XPR1: variants seen among roughly 807,000 people sequenced by gnomAD.
The protein encoded by XPR1 is xenotropic and polytropic retrovirus receptor 1.
XPR1 carries 28 observed loss-of-function variants against 87.5 expected under a neutral mutation model. That is an observed-to-expected ratio of 0.32 (90% confidence interval 0.24 to 0.44). XPR1 has a LOEUF of 0.44. Among genes scored for constraint, XPR1 ranks in the 20% least tolerant of loss-of-function variants. XPR1 has a pLI of 1.00. For missense variants in XPR1, 559 were observed against 862.3 expected, an observed-to-expected ratio of 0.65 and a Z score of 4.41; for synonymous variants, 300 against 306.1, an observed-to-expected ratio of 0.98 and a Z score of 0.21.
At chr1:180,642,199 A>G (rs1654982640) in intron 1 of XPR1, among the ~76,000 whole-genome samples, 1 of 152,302 alleles carries the variant, frequency 6.6e-6, no homozygotes, top group Non-Finnish European at 1.5e-5. Context: ...GGGGTCAGGT[A>G]ACAATGAAAG....
chr1:180,640,711 T>C (rs1452594718), intron 1 of XPR1, among the ~76,000 whole-genome samples: 1 of 152,154 alleles, frequency 6.6e-6, no homozygotes, highest in Non-Finnish European at 1.5e-5. Context: ...AGGTTATCAG[T>C]GTAACTATTA....
At chr1:180,766,790 G>A (rs1310624341) in intron 2 of XPR1, among the ~76,000 whole-genome samples, 1 of 152,078 alleles carries the variant, frequency 6.6e-6, no homozygotes, top group East Asian at 1.9e-4. Context: ...TATTTTTTAT[G>A]CCTTATTATT....
intron 2 of XPR1, among the ~76,000 whole-genome samples, chr1:180,713,518 A>G (rs1250559236): frequency 6.6e-6 from 1 of 152,128 alleles, no homozygotes; most frequent in Admixed American, 6.5e-5. Flanking sequence ...CTGAATCTCT[A>G]ATGCAATGTT....
At chr1:180,840,086 G>A (rs866086038) in intron 11 of XPR1, among the ~76,000 whole-genome samples, 52 of 151,796 alleles carry the variant, frequency 3.4e-4, no homozygotes, top group Middle Eastern at 3.4e-3. Flanking sequence ...AGCCGGGAGC[G>A]GTGGCGGGCG....
chr1:180,807,747 G>A (rs1053635122), intron 6 of XPR1, among the ~76,000 whole-genome samples: 5 of 152,194 alleles, frequency 3.3e-5, no homozygotes, highest in African/African-American at 1.2e-4. Context: ...GCTCATGCCT[G>A]TAATCCCAGA....
chr1:180,640,491 G>A (rs1395010060), intron 1 of XPR1, among the ~76,000 whole-genome samples: 1 of 152,232 alleles, frequency 6.6e-6, no homozygotes, highest in African/African-American at 2.4e-5. Context: ...ATGGCGTACT[G>A]TTTTATGAAA....
intron 2 of XPR1, among the ~76,000 whole-genome samples, chr1:180,697,746 G>A (rs1193479540): frequency 6.6e-6 from 1 of 152,092 alleles, no homozygotes; most frequent in Admixed American, 6.6e-5. Flanking sequence ...TCATGTATTT[G>A]TATAGATTCC....
At chr1:180,779,860 C>T (rs1159049572) in intron 2 of XPR1, among the ~76,000 whole-genome samples, 1 of 152,166 alleles carries the variant, frequency 6.6e-6, no homozygotes, top group East Asian at 1.9e-4. Flanking sequence ...TGCCAACCAC[C>T]ACTCTACTTT....
At chr1:180,770,775 C>A (rs767077264) in intron 2 of XPR1, among the ~76,000 whole-genome samples, 1 of 152,118 alleles carries the variant, frequency 6.6e-6, no homozygotes. Flanking sequence ...CTTCATCTGG[C>A]GGTCCCTCTC....
chr1:180,708,894 GTTT>G (rs1264196151), intron 2 of XPR1, among the ~76,000 whole-genome samples: 3 of 83,982 alleles, frequency 3.6e-5, no homozygotes, highest in African/African-American at 8.7e-5. Flanking sequence ...AGCATGTAAA[GTTT>G]TTTTTTTTTT....
At chr1:180,654,878 T>C (rs529252828) in intron 1 of XPR1, among the ~76,000 whole-genome samples, 208 of 152,328 alleles carry the variant, frequency 1.4e-3, no homozygotes, top group Non-Finnish European at 2.4e-3. Context: ...AAGAGCTATT[T>C]GAACACAAGT....
chr1:180,709,683 T>C (rs1321725036), intron 2 of XPR1, among the ~76,000 whole-genome samples: 1 of 152,200 alleles, frequency 6.6e-6, no homozygotes, highest in African/African-American at 2.4e-5. Flanking sequence ...CAATACTTGG[T>C]ATTGTCAATC....
intron 11 of XPR1, among the ~76,000 whole-genome samples, chr1:180,856,486 G>T (rs1652037966): frequency 6.6e-6 from 1 of 152,228 alleles, no homozygotes; most frequent in African/African-American, 2.4e-5. Context: ...AAGCTTTTTA[G>T]TTTTTTCCAG....
chr1:180,876,900 G>C (rs547479674), intron 13 of XPR1, among the ~76,000 whole-genome samples: 2 of 152,010 alleles, frequency 1.3e-5, no homozygotes, highest in East Asian at 1.9e-4. Flanking sequence ...TGAGGAAAAA[G>C]AACTATCATA....
chr1:180,675,705 G>A (rs1290323005), intron 1 of XPR1, among the ~76,000 whole-genome samples: 4 of 152,140 alleles, frequency 2.6e-5, no homozygotes, highest in African/African-American at 9.7e-5. Context: ...TCCTTAAACA[G>A]CATGAGTTGA....
Position 180,863,847 on chromosome 1 carries a change from C to G in XPR1, c.1641C>G (p.Leu547=). ...FDKNAGENTF[L]REEIVYPQKA... is the part of the protein sequence containing the mutation. ...AGAATGCTGGAGAGAACACTTTCCT[C>G]CGGGAAGAGATTGTATACCCCCAAA... is the stretch of plus-strand genomic sequence containing the variant. The change falls in exon 12 of 15, where the codon CTC becomes CTG. Residue 547 remains leucine, a synonymous_variant. Coordinates refer to ENST00000367590, the MANE Select transcript of XPR1 (RefSeq NM_004736.4). 1.2e-6 allele frequency: 2 copies of G among 1,602,990 alleles called. No homozygotes were observed. The highest frequency in any genetic ancestry group is 1.7e-6 in the Non-Finnish European group (2 of 1,176,714).
intron 4 of XPR1, among the ~76,000 whole-genome samples, chr1:180,804,871 T>G (rs528871246): frequency 6.6e-6 from 1 of 152,300 alleles, no homozygotes; most frequent in Non-Finnish European, 1.5e-5. Flanking sequence ...ATAAAATGTA[T>G]TTCCTCTTTC....
At chr1:180,711,623 G>T (rs111698185) in intron 2 of XPR1, among the ~76,000 whole-genome samples, 1 of 151,722 alleles carries the variant, frequency 6.6e-6, no homozygotes, top group Admixed American at 6.6e-5. Flanking sequence ...AGAGGGAGAG[G>T]GGGGAGAGTT....
intron 2 of XPR1, among the ~76,000 whole-genome samples, chr1:180,711,053 C>T (rs1302883190): frequency 4.0e-4 from 57 of 142,470 alleles, no homozygotes; most frequent in Non-Finnish European, 4.9e-4. Flanking sequence ...ACTTCTCAGA[C>T]GGGGCGGCCG....
Sources: allele counts gnomAD v4.1 joint callset (sites outside exome capture counted in the v4.1 genomes callset), GRCh38; gene constraint gnomAD v4.1.1; transcripts MANE v1.5; gene names NCBI Gene and HGNC (gene_info 2026-07-23, HGNC 2026-07-21).